SHANK2: variants seen among roughly 807,000 people sequenced by gnomAD.
The protein encoded by SHANK2 is SH3 and multiple ankyrin repeat domains 2.
A neutral mutation model predicts 133.7 loss-of-function variants in SHANK2; 43 were observed. The ratio of observed to expected loss-of-function variants is 0.32; its 90% CI spans 0.25 to 0.41. The LOEUF (loss-of-function observed/expected upper bound fraction) is 0.41. Ranked by LOEUF, SHANK2 falls within the 10% of genes least tolerant of loss-of-function variation. The pLI is 1.00. For synonymous variants in SHANK2, 1,017 were observed against 952.8 expected, an observed-to-expected ratio of 1.07 and a Z score of -1.24; for missense variants, 1,994 against 2,235.8, an observed-to-expected ratio of 0.89 and a Z score of 2.18.
Position 70,661,928 on chromosome 11 carries a change from G to A in SHANK2, c.1854-250C>T, listed in dbSNP as rs557623033. The A allele has an allele frequency of 6.2e-4, 581 of 934,186 alleles. 3 individuals carry two copies. The African/African-American group carries it at 8.4e-3, about 13-fold the overall frequency. The allele number at this position is 934,186 out of a possible 1,614,324, so 57.9% of individuals were successfully genotyped here. A position where few individuals can be genotyped will look rare whatever the true frequency, so the allele number is the denominator to read the frequency against. On this transcript the variant is annotated intron_variant, in intron 15 of 25. Transcript: ENST00000601538. ...GGGGCAGGCAGAGCCGGAGCCAGCC[G>A]GAGGAAGGAGTCATACATGGTGGGG...
chr11:70,949,248 G>A (rs782224657), intron 10 of SHANK2, among the ~76,000 whole-genome samples: 4 of 152,202 alleles, frequency 2.6e-5, no homozygotes, highest in South Asian at 2.1e-4. Context: ...CCTCAGTACC[G>A]CCCCTCCCGG....
intron 17 of SHANK2, among the ~76,000 whole-genome samples, chr11:70,592,488 TCCCAGCACAC>T (rs1372511482): frequency 6.7e-6 from 1 of 148,680 alleles, no homozygotes; most frequent in Non-Finnish European, 1.5e-5. Flanking sequence ...CAGCTCTGCA[TCCCAGCACAC>T]CCCCTCCAGC....
chr11:71,144,630 A>C (rs1555106374), intron 3 of SHANK2, among the ~76,000 whole-genome samples: 1 of 152,206 alleles, frequency 6.6e-6, no homozygotes, highest in African/African-American at 2.4e-5. Flanking sequence ...GTTTACCCCT[A>C]AATGATATAG....
At chr11:71,164,014 G>A (rs868908581) in intron 2 of SHANK2, among the ~76,000 whole-genome samples, 6 of 152,170 alleles carry the variant, frequency 3.9e-5, no homozygotes, top group African/African-American at 9.7e-5. Context: ...TAACAAACCT[G>A]TTGCACTTAG....
intron 15 of SHANK2, among the ~76,000 whole-genome samples, chr11:70,676,935 G>A (rs1219993312): frequency 6.6e-6 from 1 of 152,198 alleles, no homozygotes; most frequent in Non-Finnish European, 1.5e-5. Context: ...CTAAGGAAAA[G>A]TGGTTTCCTT....
chr11:71,087,977 A>G (rs1236103212), intron 8 of SHANK2, among the ~76,000 whole-genome samples: 6 of 152,028 alleles, frequency 3.9e-5, no homozygotes, highest in African/African-American at 1.4e-4. Flanking sequence ...TGCCTGGAGG[A>G]CTCATTCACT....
intron 11 of SHANK2, chr11:70,873,127 T>G (rs201748341): frequency 4.2e-6 from 2 of 471,018 alleles, no homozygotes; most frequent in African/African-American, 4.0e-5. Context: ...TAGAATGATA[T>G]GTTTGTGGTT....
chr11:71,149,935 G>A (rs188951611), intron 2 of SHANK2, among the ~76,000 whole-genome samples: 2 of 18,648 alleles, frequency 1.1e-4, no homozygotes, highest in Admixed American at 4.2e-4. Flanking sequence ...AGGGAGAGGA[G>A]GGGAGGGGAA....
At chr11:71,220,447 C>G (rs782195678) in intron 2 of SHANK2, among the ~76,000 whole-genome samples, 1 of 152,090 alleles carries the variant, frequency 6.6e-6, no homozygotes, top group East Asian at 1.9e-4. Flanking sequence ...CCTGAAAGAA[C>G]GGGTGGATAT....
chr11:70,487,868 G>T lies in SHANK2; in HGVS notation c.2573-148C>A. 1.4e-6 allele frequency: 2 copies of T among 1,471,916 alleles called. No individual in the cohort carries two copies. Among genetic ancestry groups the T allele is most frequent in the Non-Finnish European group, 1.8e-6 (2 of 1,084,090 alleles). 91.2% of individuals were successfully genotyped at this position (1,471,916 alleles called of 1,614,324 possible). ...GAAACACAGCACAAGCCACGATGCC[G>T]AGTGGTTAGTCACATGGCCCGTCGT... On this transcript the variant is annotated intron_variant, in intron 24 of 25. Coordinates refer to ENST00000601538, the MANE Select transcript of SHANK2 (RefSeq NM_012309.5). The surrounding 1 kb of genome is among the most constrained non-coding windows in gnomAD (Gnocchi z 5.8).
intron 10 of SHANK2, among the ~76,000 whole-genome samples, chr11:70,909,832 A>C (rs913388284): frequency 6.6e-6 from 1 of 152,234 alleles, no homozygotes; most frequent in Non-Finnish European, 1.5e-5. Flanking sequence ...CCAAAGAAAG[A>C]AATCATGGCT....
chr11:71,236,062 C>T (rs781783832), intron 1 of SHANK2, among the ~76,000 whole-genome samples: 2 of 152,164 alleles, frequency 1.3e-5, no homozygotes, highest in Admixed American at 1.3e-4. Flanking sequence ...CAGCCTCCTC[C>T]GCCCCCTCCA....
chr11:70,891,814 C>T (rs1565387756), intron 11 of SHANK2, among the ~76,000 whole-genome samples: 1 of 152,178 alleles, frequency 6.6e-6, no homozygotes, highest in East Asian at 1.9e-4. Flanking sequence ...CTGCTAAGAG[C>T]ATTCTGGGAA....
intron 2 of SHANK2, among the ~76,000 whole-genome samples, chr11:71,219,240 A>G (rs1013059520): frequency 6.6e-5 from 10 of 152,232 alleles, no homozygotes; most frequent in African/African-American, 2.4e-4. Context: ...AACTTTGCAG[A>G]GCATGCAGTC....
chr11:70,918,947 T>C (rs551574496), intron 10 of SHANK2, among the ~76,000 whole-genome samples: 2 of 152,242 alleles, frequency 1.3e-5, no homozygotes, highest in African/African-American at 4.8e-5. Flanking sequence ...ATGGATCACT[T>C]GAGCCCAGGA....
intron 17 of SHANK2, among the ~76,000 whole-genome samples, chr11:70,517,005 G>A (rs1402896898): frequency 1.3e-5 from 2 of 152,128 alleles, no homozygotes; most frequent in South Asian, 2.1e-4. Context: ...CCTGGGAGGT[G>A]GAGGTTGCTG....
chr11:71,058,902 G>A (rs1950954022), intron 9 of SHANK2, among the ~76,000 whole-genome samples: 1 of 152,272 alleles, frequency 6.6e-6, no homozygotes, highest in South Asian at 2.1e-4. Flanking sequence ...GTGGGACCTG[G>A]CAGATCAGCA....
intron 17 of SHANK2, among the ~76,000 whole-genome samples, chr11:70,641,032 G>A (rs1180207651): frequency 2.6e-5 from 4 of 151,844 alleles, no homozygotes; most frequent in Non-Finnish European, 5.9e-5. Flanking sequence ...ACAATAGATC[G>A]TGTACAGAAT....
chr11:70,775,122 G>A (rs146234210), intron 14 of SHANK2, among the ~76,000 whole-genome samples: 75 of 152,242 alleles, frequency 4.9e-4, no homozygotes, highest in African/African-American at 1.2e-3. Context: ...TTGCACCACC[G>A]CACTCCAGTC....
Sources: allele counts gnomAD v4.1 joint callset (sites outside exome capture counted in the v4.1 genomes callset), GRCh38; gene constraint gnomAD v4.1.1; non-coding constraint Gnocchi (gnomAD v3.1); transcripts MANE v1.5; gene names NCBI Gene and HGNC (gene_info 2026-07-23, HGNC 2026-07-21).